The following RBFOX1 variants were observed in gnomAD, a reference collection of about 807,000 sequenced individuals.
The protein encoded by RBFOX1 is RNA binding protein fox-1 homolog 1.
Under a neutral mutation model 57.7 loss-of-function variants are expected in RBFOX1, and 8 were observed. The ratio of observed to expected loss-of-function variants is 0.14; its 90% CI spans 0.08 to 0.25. The LOEUF (loss-of-function observed/expected upper bound fraction) is 0.25. RBFOX1 is among the 10% of genes least tolerant of loss of function. The pLI is 1.00. For missense variants in RBFOX1, 611 were observed against 548.5 expected, an observed-to-expected ratio of 1.11 and a Z score of -1.14; for synonymous variants, 326 against 222.4, an observed-to-expected ratio of 1.47 and a Z score of -4.15.
chr16:6,402,323 C>A (rs1163401464), intron 2 of RBFOX1, among the ~76,000 whole-genome samples: 1 of 152,136 alleles, frequency 6.6e-6, no homozygotes, highest in Non-Finnish European at 1.5e-5. Flanking sequence ...GAACTGAAAT[C>A]TCACCCTTTG....
chr16:6,206,289 C>G (rs1185197379), intron 1 of RBFOX1, among the ~76,000 whole-genome samples: 1 of 152,098 alleles, frequency 6.6e-6, no homozygotes, highest in African/African-American at 2.4e-5. Flanking sequence ...ACCTGGGCCG[C>G]TCTTTCCTGC....
intron 2 of RBFOX1, among the ~76,000 whole-genome samples, chr16:6,512,909 C>G (rs1469578883): frequency 6.6e-6 from 1 of 152,206 alleles, no homozygotes; most frequent in African/African-American, 2.4e-5. Context: ...AGAATGTCAA[C>G]TCTGCATTGG....
chr16:5,887,045 C>T (rs2057916721), intron 4 of RBFOX1, among the ~76,000 whole-genome samples: 1 of 152,174 alleles, frequency 6.6e-6, no homozygotes, highest in Non-Finnish European at 1.5e-5. Context: ...CATTCCCGGC[C>T]TCTACTCCCT....
At chr16:6,694,858 G>A (rs1239870959) in intron 3 of RBFOX1, among the ~76,000 whole-genome samples, 1 of 151,980 alleles carries the variant, frequency 6.6e-6, no homozygotes, top group Non-Finnish European at 1.5e-5. Flanking sequence ...TCCAGCCCCG[G>A]AGCCCTGGGA....
At chr16:5,770,096 G>A (rs562323423) in intron 3 of RBFOX1, among the ~76,000 whole-genome samples, 15 of 152,260 alleles carry the variant, frequency 9.9e-5, no homozygotes, top group South Asian at 4.1e-4. Flanking sequence ...GGGTGATTAC[G>A]GGTTGTGGGT....
At chr16:5,925,496 C>G (rs534461657) in intron 4 of RBFOX1, among the ~76,000 whole-genome samples, 33 of 152,250 alleles carry the variant, frequency 2.2e-4, no homozygotes, top group African/African-American at 7.9e-4. Context: ...TGAACATAAA[C>G]TTGGACGTGA....
chr16:5,395,704 T>A (rs903536903), intron 1 of RBFOX1, among the ~76,000 whole-genome samples: 1 of 152,206 alleles, frequency 6.6e-6, no homozygotes, highest in African/African-American at 2.4e-5. Context: ...GCAAAAGGGA[T>A]GCTCTGTTGC....
chr16:7,385,775 A>G (rs2097864342), intron 4 of RBFOX1, among the ~76,000 whole-genome samples: 1 of 151,762 alleles, frequency 6.6e-6, no homozygotes, highest in South Asian at 2.1e-4. Context: ...TTTTTTCGAG[A>G]TAGAGTCTCG....
rs150808347 is a variant in RBFOX1, at chr16:7,277,669, A to G, written c.27+225571A>G. On this transcript the variant is annotated intron_variant, in intron 4 of 15. Transcript: ENST00000550418. ...TTAAAGGCCCAAGAAGCTTGAGAGA[A>G]GTCTACCAGGGCGGATACCCATCGA... 5.2e-3 allele frequency among the ~76,000 whole-genome samples: 794 copies of G among 152,308 alleles called. 11 individuals are homozygous for G. The highest frequency in any genetic ancestry group is 0.018 in the African/African-American group (744 of 41,578).
At chr16:7,554,999 T>C (rs1353696205) in intron 5 of RBFOX1, among the ~76,000 whole-genome samples, 1 of 152,204 alleles carries the variant, frequency 6.6e-6, no homozygotes, top group African/African-American at 2.4e-5. Context: ...ATTTAGGTAG[T>C]ATTGCATATT....
At chr16:5,687,263 A>G (rs1032982762) in intron 3 of RBFOX1, among the ~76,000 whole-genome samples, 1 of 152,136 alleles carries the variant, frequency 6.6e-6, no homozygotes, top group Non-Finnish European at 1.5e-5. Flanking sequence ...CCAAGACTAG[A>G]AACTGTGGTG....
intron 4 of RBFOX1, among the ~76,000 whole-genome samples, chr16:7,280,817 C>T (rs1603482138): frequency 6.6e-6 from 1 of 152,096 alleles, no homozygotes; most frequent in Non-Finnish European, 1.5e-5. Flanking sequence ...AAAACATTGT[C>T]CAGTATCCCC....
At chr16:5,702,045 C>A (rs1024240772) in intron 3 of RBFOX1, among the ~76,000 whole-genome samples, 1 of 152,158 alleles carries the variant, frequency 6.6e-6, no homozygotes, top group African/African-American at 2.4e-5. Context: ...GAAGAGAAAT[C>A]TAGCCATAAG....
At chr16:6,808,039 T>C (rs1171027251) in intron 3 of RBFOX1, among the ~76,000 whole-genome samples, 1 of 150,766 alleles carries the variant, frequency 6.6e-6, no homozygotes, top group Non-Finnish European at 1.5e-5. Flanking sequence ...TGTGTATATG[T>C]ATATATACTA....
intron 10 of RBFOX1, among the ~76,000 whole-genome samples, chr16:7,623,554 G>C (rs1328620468): frequency 6.6e-6 from 1 of 152,076 alleles, no homozygotes; most frequent in African/African-American, 2.4e-5. Context: ...ACAGGAGGTG[G>C]AGCTCAGGTG....
intron 3 of RBFOX1, among the ~76,000 whole-genome samples, chr16:5,612,910 A>T (rs977132690): frequency 6.6e-6 from 1 of 152,216 alleles, no homozygotes; most frequent in Non-Finnish European, 1.5e-5. Context: ...ACCTAGGCTC[A>T]TGTCCCACAA....
chr16:6,525,198 G>C (rs2096561853), intron 2 of RBFOX1, among the ~76,000 whole-genome samples: 1 of 152,286 alleles, frequency 6.6e-6, no homozygotes, highest in East Asian at 1.9e-4. Context: ...CAAACAAGAA[G>C]ATAAGAACAA....
intron 2 of RBFOX1, among the ~76,000 whole-genome samples, chr16:6,330,900 T>G (rs1405895151): frequency 6.6e-6 from 1 of 151,936 alleles, no homozygotes; most frequent in Non-Finnish European, 1.5e-5. Flanking sequence ...TTCGGTGGTT[T>G]TGGGGAATTA....
intron 4 of RBFOX1, among the ~76,000 whole-genome samples, chr16:7,197,737 T>C (rs1050523321): frequency 6.6e-6 from 1 of 152,190 alleles, no homozygotes; most frequent in African/African-American, 2.4e-5. Flanking sequence ...TAGAACGTTA[T>C]TCAACAGTAA....
Sources: gnomAD v4.1 joint callset for allele counts (sites outside exome capture counted in the v4.1 genomes callset) on GRCh38, gnomAD v4.1.1 for gene constraint, MANE v1.5 for transcripts, NCBI Gene and HGNC (gene_info 2026-07-23, HGNC 2026-07-21) for gene names.